Variants in TSPAN5 observed in about 807,000 individuals in gnomAD.
TSPAN5 encodes the protein tetraspanin 5.
Under a neutral mutation model 37.1 loss-of-function variants are expected in TSPAN5, and 10 were observed. That is an observed-to-expected ratio of 0.27 (90% CI 0.17 to 0.46). The LOEUF (loss-of-function observed/expected upper bound fraction) is 0.46. Among genes scored for constraint, TSPAN5 ranks in the 20% least tolerant of loss-of-function variants. The probability of loss-of-function intolerance (pLI) is 1.00; values close to 1 mark genes in which losing one functional copy is unlikely to be tolerated. For missense variants in TSPAN5, 195 were observed against 326.6 expected, an observed-to-expected ratio of 0.60 and a Z score of 3.11; for synonymous variants, 110 against 118.9, an observed-to-expected ratio of 0.93 and a Z score of 0.48.
intron 1 of TSPAN5, among the ~76,000 whole-genome samples, chr4:98,585,848 T>C (rs1755474496): frequency 6.6e-6 from 1 of 152,228 alleles, no homozygotes. Context: ...TCCTCCACTG[T>C]GAAATGAGAC....
chr4:98,546,473 G>A (rs6532746), intron 1 of TSPAN5, among the ~76,000 whole-genome samples: 23,747 of 152,110 alleles, frequency 0.16, 2,054 homozygotes, highest in South Asian at 0.23. Context: ...AGTATTCCCC[G>A]ACAGAATAGA....
In TSPAN5 at chr4:98,658,544, C is replaced by G. The variant is rs925923040; in HGVS notation, c.-318G>C. 5 of 178,578 alleles carry G rather than the reference C, an allele frequency of 2.8e-5. No homozygotes were observed. Among genetic ancestry groups the G allele is most frequent in the Non-Finnish European group, 5.8e-5 (5 of 86,014 alleles). The allele number at this position is 178,578 out of a possible 1,614,324, so 11.1% of individuals were successfully genotyped here. The stretch of plus-strand genomic sequence containing the variant: ...GCGTCCGTGCGCCAGGCGGTCGGTC[C>G]GTCGGTTCGTCCCCGGGCTTCGGGC... On this transcript the variant is annotated 5_prime_UTR_variant, in exon 1 of 8. Transcript: ENST00000305798.
intron 1 of TSPAN5, among the ~76,000 whole-genome samples, chr4:98,515,387 C>A (rs187691169): frequency 2.6e-5 from 4 of 152,260 alleles, no homozygotes; most frequent in East Asian, 1.9e-4. Context: ...TTCCTGCCCC[C>A]CTCCTGACAC....
intron 1 of TSPAN5, chr4:98,560,100 C>T (rs1018923372): frequency 1.3e-5 from 2 of 152,136 alleles, no homozygotes; most frequent in Non-Finnish European, 2.9e-5. Flanking sequence ...TTCTAAATTC[C>T]AATCAGATTT....
intron 1 of TSPAN5, among the ~76,000 whole-genome samples, chr4:98,549,748 TGTTAA>T: frequency 6.6e-6 from 1 of 152,280 alleles, no homozygotes; most frequent in East Asian, 1.9e-4. Flanking sequence ...GTTTTTTTCT[TGTTAA>T]GTTGTTTGAG....
At chr4:98,609,225 T>C (rs1756120100) in intron 1 of TSPAN5, among the ~76,000 whole-genome samples, 1 of 152,136 alleles carries the variant, frequency 6.6e-6, no homozygotes, top group South Asian at 2.1e-4. Context: ...TATATACACA[T>C]ACTGCTGTCC....
At chr4:98,565,659 C>G (rs941219937) in intron 1 of TSPAN5, among the ~76,000 whole-genome samples, 5 of 152,194 alleles carry the variant, frequency 3.3e-5, no homozygotes, top group Non-Finnish European at 7.3e-5. Flanking sequence ...GTTATATATA[C>G]TTGTTATGGG....
At chr4:98,616,809 T>C (rs543165971) in intron 1 of TSPAN5, among the ~76,000 whole-genome samples, 3 of 151,898 alleles carry the variant, frequency 2.0e-5, no homozygotes, top group Admixed American at 6.6e-5. Flanking sequence ...CTCCATAAAA[T>C]AACGATACAC....
chr4:98,486,854 C>T lies in TSPAN5; in HGVS notation c.163G>A (p.Asp55Asn), dbSNP rs1159301750. ...CAAACTGGGTCAAAGCCGCCGAGATCGGTGATGGAAGAGATGTTGGACAGA... is the reference window on the plus strand; with the variant it reads ...CAAACTGGGTCAAAGCCGCCGAGATTGGTGATGGAAGAGATGTTGGACAGA... Reference protein sequence around the residue: ...GVLSNISSITDLGGFDPVWLF... With the variant: ...GVLSNISSITNLGGFDPVWLF... Residue 55 changes from aspartate (D) to asparagine (N), a missense_variant, in exon 3 of 8, where the codon GAT becomes AAT. Transcript: ENST00000305798. 9 of 1,613,874 alleles carry T rather than the reference C, an allele frequency of 5.6e-6. No individual in the cohort carries two copies. Among genetic ancestry groups the T allele is most frequent in the African/African-American group, 1.3e-5 (1 of 74,846 alleles).
chr4:98,601,837 C>T (rs1334892105), intron 1 of TSPAN5, among the ~76,000 whole-genome samples: 1 of 152,154 alleles, frequency 6.6e-6, no homozygotes, highest in Non-Finnish European at 1.5e-5. Context: ...TCATTTGTAG[C>T]TTTTGATTTA....
chr4:98,527,414 C>T lies in TSPAN5; in HGVS notation c.82-19686G>A, dbSNP rs116822785. 6.1e-3 allele frequency among the ~76,000 whole-genome samples: 928 copies of T among 152,276 alleles called. 8 individuals carry two copies. The highest frequency in any genetic ancestry group is 0.021 in the African/African-American group (852 of 41,558). On this transcript the variant is annotated intron_variant, in intron 1 of 7. Transcript: ENST00000305798. ...CACTCCAAATTCTAGGCAAAAATCA[C>T]ACCCAAACCAAGAGTTAAAACTGCT...
intron 1 of TSPAN5, among the ~76,000 whole-genome samples, chr4:98,613,384 A>G (rs4699660): frequency 0.26 from 39,389 of 152,100 alleles, 5,626 homozygotes; most frequent in South Asian, 0.45. Context: ...ACTAGACCAT[A>G]AGTTATTGTA....
At chr4:98,505,251 C>A (rs1315108689) in intron 2 of TSPAN5, among the ~76,000 whole-genome samples, 1 of 152,128 alleles carries the variant, frequency 6.6e-6, no homozygotes. Context: ...TCATATTAGA[C>A]TTTTCAAAAT....
At chr4:98,629,942 T>C (rs780232772) in intron 1 of TSPAN5, among the ~76,000 whole-genome samples, 2 of 152,252 alleles carry the variant, frequency 1.3e-5, no homozygotes, top group African/African-American at 2.4e-5. Context: ...ATTTGTGTCA[T>C]TGTTAAACTG....
At chr4:98,608,738 T>C (rs992425797) in intron 1 of TSPAN5, among the ~76,000 whole-genome samples, 1 of 152,196 alleles carries the variant, frequency 6.6e-6, no homozygotes, top group African/African-American at 2.4e-5. Flanking sequence ...GCTGTGTTTT[T>C]AACCACTAAA....
chr4:98,622,323 C>T (rs1002453436), intron 1 of TSPAN5, among the ~76,000 whole-genome samples: 9 of 152,190 alleles, frequency 5.9e-5, no homozygotes, highest in Non-Finnish European at 1.2e-4. Context: ...GTGATCCACC[C>T]GCCTCAGATC....
At chr4:98,488,356 CTG>C (rs1390792776) in intron 2 of TSPAN5, among the ~76,000 whole-genome samples, 2 of 152,162 alleles carry the variant, frequency 1.3e-5, no homozygotes, top group Non-Finnish European at 2.9e-5. Flanking sequence ...ATTTTTCTGT[CTG>C]TTTCTTCCTT....
chr4:98,609,378 G>A lies in TSPAN5; in HGVS notation c.81+48768C>T, dbSNP rs181543395. 2.5e-3 allele frequency among the ~76,000 whole-genome samples: 386 copies of A among 152,268 alleles called. 4 individuals carry two copies. Among genetic ancestry groups the A allele is most frequent in the South Asian group, 3.9e-3 (19 of 4,822 alleles). On this transcript the variant is annotated intron_variant, in intron 1 of 7. Coordinates refer to ENST00000305798, the MANE Select transcript of TSPAN5 (RefSeq NM_005723.4). ...GACCACTGGCTGGGGGAGAGGGCCAGGGCAGTGCTCGGAATGCTGGAGGTA... is the reference window on the plus strand; with the variant it reads ...GACCACTGGCTGGGGGAGAGGGCCAAGGCAGTGCTCGGAATGCTGGAGGTA...
chr4:98,536,473 G>A (rs1754236141), intron 1 of TSPAN5, among the ~76,000 whole-genome samples: 1 of 152,172 alleles, frequency 6.6e-6, no homozygotes, highest in Admixed American at 6.5e-5. Context: ...GATACACAGG[G>A]GTCAGGGACC....
Sources: gnomAD v4.1 joint callset for allele counts (sites outside exome capture counted in the v4.1 genomes callset) on GRCh38, gnomAD v4.1.1 for gene constraint, MANE v1.5 for transcripts, NCBI Gene and HGNC (gene_info 2026-07-23, HGNC 2026-07-21) for gene names.